NAP1L1: variants seen among roughly 807,000 people sequenced by gnomAD.
NAP1L1 encodes the protein nucleosome assembly protein 1 like 1, also known as nucleosome assembly protein 1-like 1.
NAP1L1 carries 9 observed loss-of-function variants against 58.9 expected under a neutral mutation model. The ratio of observed to expected loss-of-function variants is 0.15; its 90% CI spans 0.09 to 0.27. The LOEUF (loss-of-function observed/expected upper bound fraction) is 0.27, where lower values mean the gene tolerates loss of function less well. Among genes scored for constraint, NAP1L1 ranks in the 10% least tolerant of loss-of-function variants. The probability of loss-of-function intolerance (pLI) is 1.00; values close to 1 mark genes in which losing one functional copy is unlikely to be tolerated. For missense variants in NAP1L1, 302 were observed against 458.8 expected (o/e 0.66, Z 3.12); for synonymous variants, 130 against 138.3 (o/e 0.94, Z 0.42).
intron 6 of NAP1L1, among the ~76,000 whole-genome samples, chr12:76,059,209 T>C (rs904978880): frequency 6.6e-6 from 1 of 152,220 alleles, no homozygotes; most frequent in African/African-American, 2.4e-5. Context: ...AAAGATGTGG[T>C]ATGCATATGT....
intron 1 of NAP1L1, among the ~76,000 whole-genome samples, chr12:76,075,214 C>T (rs1489030256): frequency 6.6e-6 from 1 of 151,912 alleles, no homozygotes; most frequent in Non-Finnish European, 1.5e-5. Context: ...ATCCCAGCTG[C>T]CCAAGAGCCT....
At position 76,049,751 on chromosome 12, in the gene NAP1L1, A is replaced by G. The variant is rs780873707; in HGVS notation, c.1089+5T>C. The stretch of plus-strand genomic sequence containing the variant: ...AGAATTATTTGCTCATTTGGTAAAC[A>G]TTACCTCATCCGCTTCTTCACCTTC... On this transcript the variant is annotated splice_donor_5th_base_variant and intron_variant, in intron 13 of 14. Transcript: ENST00000618691. 1.2e-6 allele frequency: 2 copies of G among 1,612,808 alleles called. No individual in the cohort carries two copies. The highest frequency in any genetic ancestry group is 1.7e-6 in the Non-Finnish European group (2 of 1,179,490).
intron 1 of NAP1L1, among the ~76,000 whole-genome samples, chr12:76,077,977 T>C: frequency 1.3e-5 from 1 of 79,392 alleles, no homozygotes; most frequent in African/African-American, 4.8e-5. Context: ...CAAGACCCTG[T>C]CTCAAAAAAA....
At position 76,057,775 on chromosome 12, in the gene NAP1L1, A is replaced by C. The variant is rs1425911226; in HGVS notation, c.430-1614T>G. On this transcript the variant is annotated intron_variant, in intron 6 of 14. Transcript: ENST00000618691. ...AAATTCACCCAAACAAGAAGCTGGA[A>C]TCTGTCAAGGTCAAGGAACAGCAGG... 4 of 1,551,240 alleles carry C rather than the reference A, an allele frequency of 2.6e-6. No homozygotes were observed. In the African/African-American group the frequency reaches 5.5e-5, roughly 21 times the overall value.
intron 1 of NAP1L1, among the ~76,000 whole-genome samples, chr12:76,076,038 C>G (rs545729223): frequency 6.6e-6 from 1 of 152,208 alleles, no homozygotes; most frequent in East Asian, 1.9e-4. Context: ...ATGTCCATCT[C>G]CAGATTTATT....
intron 1 of NAP1L1, among the ~76,000 whole-genome samples, chr12:76,076,549 A>AAAATATAT (rs1950177468): frequency 8.3e-6 from 1 of 120,634 alleles, no homozygotes; most frequent in African/African-American, 3.3e-5. Context: ...TGGATATGGA[A>AAAATATAT]ATATATATAT....
chr12:76,061,269 T>C (rs1299093398), intron 4 of NAP1L1, among the ~76,000 whole-genome samples: 2 of 152,180 alleles, frequency 1.3e-5, no homozygotes, highest in Non-Finnish European at 2.9e-5. Flanking sequence ...TTTCTGCTCC[T>C]CTCCCTCCTC....
chr12:76,045,538 T>C lies in NAP1L1; in HGVS notation c.*2891A>G, dbSNP rs1444534090. Reference sequence around the variant, plus strand: ...GTTAATATATCCTTTCCTGATTAAGTGTGCTAAAACAGAAATAGAGGTAGA... The same window carrying C: ...GTTAATATATCCTTTCCTGATTAAGCGTGCTAAAACAGAAATAGAGGTAGA... On this transcript the variant is annotated 3_prime_UTR_variant, in exon 15 of 15. Coordinates refer to ENST00000618691, the MANE Select transcript of NAP1L1 (RefSeq NM_004537.7). 1 of 152,054 alleles carries C rather than the reference T, an allele frequency of 6.6e-6. No individual in the cohort carries two copies. Among genetic ancestry groups the C allele is most frequent in the Non-Finnish European group, 1.5e-5 (1 of 67,928 alleles). 9.4% of individuals were successfully genotyped at this position (152,054 alleles called of 1,614,324 possible).
intron 9 of NAP1L1, among the ~76,000 whole-genome samples, 170 bp from the exon 10 acceptor site, chr12:76,053,520 T>C (rs891170822): frequency 6.6e-6 from 1 of 152,158 alleles, no homozygotes; most frequent in Non-Finnish European, 1.5e-5. Context: ...ATATTTAAAA[T>C]AAACACATTT....
At chr12:76,054,605 G>A (rs892144238) in intron 8 of NAP1L1, among the ~76,000 whole-genome samples, 1 of 152,116 alleles carries the variant, frequency 6.6e-6, no homozygotes, top group South Asian at 2.1e-4. Flanking sequence ...CCAACCTTAA[G>A]CATCTACAGC....
chr12:76,047,273 G>A lies in NAP1L1; in HGVS notation c.*1156C>T, dbSNP rs1039291895. On this transcript the variant is annotated 3_prime_UTR_variant, in exon 15 of 15. Coordinates refer to ENST00000618691, the MANE Select transcript of NAP1L1 (RefSeq NM_004537.7). ...CATTTTAATTACACAGTAAACAGAA[G>A]CACGGGTAAGTGACATACTCATACT... 2.0e-5 allele frequency: 3 copies of A among 152,324 alleles called. No homozygotes were observed. Among genetic ancestry groups the A allele is most frequent in the African/African-American group, 7.3e-5 (3 of 41,378 alleles). 9.4% of individuals were successfully genotyped at this position (152,324 alleles called of 1,614,324 possible).
chr12:76,036,767 CAT>C lies in NAP1L1; in HGVS notation c.*11660_*11661del. 1 of 152,288 alleles carries C rather than the reference CAT, an allele frequency of 6.6e-6. No homozygotes were observed. Among genetic ancestry groups the C allele is most frequent in the Admixed American group, 6.5e-5 (1 of 15,296 alleles). 9.4% of individuals were successfully genotyped at this position (152,288 alleles called of 1,614,324 possible). Reference sequence around the variant, plus strand: ...AATTATGAACATGTCACGTTACCCTCATCAGGGTATAAAAGATAACCAAGGCT... The same window carrying C: ...AATTATGAACATGTCACGTTACCCTCCAGGGTATAAAAGATAACCAAGGCT... On this transcript the variant is annotated 3_prime_UTR_variant, in exon 15 of 15. Coordinates refer to ENST00000618691, the MANE Select transcript of NAP1L1 (RefSeq NM_004537.7).
chr12:76,059,940 G>A (rs1212212887), intron 5 of NAP1L1, 62 bp from the exon 6 acceptor site: 3 of 1,347,524 alleles, frequency 2.2e-6, no homozygotes, highest in Non-Finnish European at 3.1e-6. Context: ...AAAACCAGTG[G>A]TTTCTCACTA....
Position 76,050,627 on chromosome 12 carries a change from A to G in NAP1L1, c.963T>C (p.Ala321=). ...DLDDDAEAIL[A]ADFEIGHFLR... ...AAAAGTGACCAATTTCGAAGTCTGC[A>G]GCAAGGATAGCTTCAGCATCATCAT... is the stretch of plus-strand genomic sequence containing the variant. The change falls in exon 12 of 15, where the codon GCT becomes GCC. Residue 321 remains alanine (A), a synonymous_variant. Coordinates refer to ENST00000618691, the MANE Select transcript of NAP1L1 (RefSeq NM_004537.7). The G allele has an allele frequency of 6.2e-7, 1 of 1,611,380 alleles. No individual in the cohort carries two copies. The highest frequency in any genetic ancestry group is 8.5e-7 in the Non-Finnish European group (1 of 1,179,332).
intron 4 of NAP1L1, among the ~76,000 whole-genome samples, chr12:76,061,726 T>C (rs1949425630): frequency 6.6e-6 from 1 of 152,258 alleles, no homozygotes; most frequent in Non-Finnish European, 1.5e-5. Flanking sequence ...CCACAAACTT[T>C]TGTAAATCAA....
At position 76,053,366 on chromosome 12, in the gene NAP1L1, A is replaced by G; in HGVS notation, c.771-16T>C. ...TATCTGGCACCTTGCAAAACAAAGA[A>G]GAAAAATCTATTACAATTGACAATC... On this transcript the variant is annotated splice_polypyrimidine_tract_variant and intron_variant, in intron 9 of 14. Transcript: ENST00000618691. 4 of 1,602,992 alleles carry G rather than the reference A, an allele frequency of 2.5e-6. No individual in the cohort carries two copies. Among genetic ancestry groups the G allele is most frequent in the Non-Finnish European group, 3.4e-6 (4 of 1,176,396 alleles).
chr12:76,082,191 A>C (rs1012748258), intron 1 of NAP1L1, among the ~76,000 whole-genome samples: 8 of 152,234 alleles, frequency 5.3e-5, no homozygotes, highest in Non-Finnish European at 1.0e-4. Flanking sequence ...ACATCTTCAG[A>C]CCTTTGAAGT....
intron 1 of NAP1L1, among the ~76,000 whole-genome samples, chr12:76,081,256 C>T (rs1950396408): frequency 6.6e-6 from 1 of 152,162 alleles, no homozygotes; most frequent in African/African-American, 2.4e-5. Context: ...GTTATCTAAC[C>T]ACTCCACACC....
At chr12:76,049,994 CAT>C (rs1948745402) in intron 12 of NAP1L1, among the ~76,000 whole-genome samples, 1 of 152,148 alleles carries the variant, frequency 6.6e-6, no homozygotes, top group Non-Finnish European at 1.5e-5. Flanking sequence ...AGAGTACAAT[CAT>C]GTGGATAAAG....
Sources: gnomAD v4.1 joint callset for allele counts (sites outside exome capture counted in the v4.1 genomes callset) on GRCh38, gnomAD v4.1.1 for gene constraint, MANE v1.5 for transcripts, NCBI Gene and HGNC (gene_info 2026-07-23, HGNC 2026-07-21) for gene names.